The following DIS3L2 variants were observed in gnomAD, a reference collection of about 807,000 sequenced individuals.
DIS3L2 encodes DIS3-like exonuclease 2.
A neutral mutation model predicts 97.5 loss-of-function variants in DIS3L2; 34 were observed. That is an observed-to-expected ratio of 0.35 (90% CI 0.27 to 0.46). DIS3L2 has a LOEUF of 0.46. Among genes scored for constraint, DIS3L2 ranks in the 20% least tolerant of loss-of-function variants. The pLI, the probability that DIS3L2 is intolerant of heterozygous loss-of-function variation, is 1.00. For missense variants in DIS3L2, 1,038 were observed against 1,146.0 expected (o/e 0.91, Z 1.36); for synonymous variants, 435 against 445.2 (o/e 0.98, Z 0.29).
At chr2:232,337,517 C>T (rs1389197711), downstream of DIS3L2, among the ~76,000 whole-genome samples, 3 of 152,044 alleles carry the variant, frequency 2.0e-5, no homozygotes, top group East Asian at 1.9e-4. Flanking sequence ...CTGGGTGACA[C>T]GGATCCCACC....
intron 9 of DIS3L2, among the ~76,000 whole-genome samples, chr2:232,184,621 G>T (rs966964934): frequency 2.6e-5 from 4 of 152,112 alleles, no homozygotes; most frequent in African/African-American, 9.7e-5. Context: ...CTGCACTCCA[G>T]CCTGGGAAAC....
chr2:232,241,315 T>C (rs1201388563), intron 11 of DIS3L2, among the ~76,000 whole-genome samples: 1 of 152,250 alleles, frequency 6.6e-6, no homozygotes, highest in Non-Finnish European at 1.5e-5. Flanking sequence ...TTCTCCCAGC[T>C]TCATCACACA....
chr2:231,975,903 T>C (rs982265017), intron 1 of DIS3L2, among the ~76,000 whole-genome samples: 10 of 151,970 alleles, frequency 6.6e-5, no homozygotes, highest in Admixed American at 6.6e-4. Context: ...TTCTCACTTA[T>C]TTCTATGTTC....
chr2:232,190,974 C>T (rs983675268), intron 9 of DIS3L2, among the ~76,000 whole-genome samples: 1 of 152,158 alleles, frequency 6.6e-6, no homozygotes, highest in African/African-American at 2.4e-5. Context: ...TCAGCTGGGA[C>T]AAAGCTAGAA....
chr2:232,055,582 A>T (rs879738506), intron 5 of DIS3L2, among the ~76,000 whole-genome samples: 1 of 152,242 alleles, frequency 6.6e-6, no homozygotes, highest in Admixed American at 6.5e-5. Context: ...AATCCAAGCC[A>T]ACATTCCAGC....
chr2:232,194,821 G>T (rs1219213386), intron 9 of DIS3L2, among the ~76,000 whole-genome samples: 2 of 152,162 alleles, frequency 1.3e-5, no homozygotes, highest in Non-Finnish European at 2.9e-5. Flanking sequence ...GGAAGCACAG[G>T]AGGAGGTGTA....
In DIS3L2 at chr2:232,037,720, T is replaced by G. The variant is rs1170917177; in HGVS notation, c.366+7640T>G. Among the ~76,000 whole-genome samples, 2 of 152,150 alleles carry G rather than the reference T, an allele frequency of 1.3e-5. No individual in the cohort carries two copies. Among genetic ancestry groups the G allele is most frequent in the African/African-American group, 2.4e-5 (1 of 41,440 alleles). On this transcript the variant is annotated intron_variant, in intron 5 of 20. Coordinates refer to ENST00000325385, the MANE Select transcript of DIS3L2 (RefSeq NM_152383.5). The surrounding 1 kb of genome is among the most constrained non-coding windows in gnomAD (Gnocchi z 4.6). ...GGTTGTGAAGACTGTGGGAAAAGCATAATATCTGGGCCAGAGTGCAATGTT... is the reference window on the plus strand; with the variant it reads ...GGTTGTGAAGACTGTGGGAAAAGCAGAATATCTGGGCCAGAGTGCAATGTT...
chr2:232,181,942 G>C (rs544328908), intron 9 of DIS3L2, among the ~76,000 whole-genome samples: 18 of 152,108 alleles, frequency 1.2e-4, no homozygotes, highest in African/African-American at 3.4e-4. Flanking sequence ...GTGAGCCACC[G>C]TGCCCGGGCG....
intron 14 of DIS3L2, among the ~76,000 whole-genome samples, chr2:232,311,331 G>A (rs543263808): frequency 1.1e-4 from 17 of 152,314 alleles, no homozygotes; most frequent in Non-Finnish European, 7.3e-5. Context: ...AGCTTGCTTT[G>A]TAAAACTTAC....
At chr2:232,000,662 C>CCTTTCCTT (rs1178382206) in intron 1 of DIS3L2, among the ~76,000 whole-genome samples, 35 of 92,924 alleles carry the variant, frequency 3.8e-4, no homozygotes, top group African/African-American at 1.4e-3. Context: ...CCTTTCCTTT[C>CCTTTCCTT]TCTTTCTCTC....
intron 13 of DIS3L2, among the ~76,000 whole-genome samples, chr2:232,277,866 G>T (rs1056921695): frequency 6.6e-6 from 1 of 152,186 alleles, no homozygotes; most frequent in Non-Finnish European, 1.5e-5. Flanking sequence ...GCATGTGACT[G>T]TGCTGAATAC....
chr2:232,288,512 A>G (rs1694507314), intron 13 of DIS3L2, among the ~76,000 whole-genome samples: 1 of 152,174 alleles, frequency 6.6e-6, no homozygotes, highest in African/African-American at 2.4e-5. Flanking sequence ...GACCATCGGA[A>G]CCCCACCACC....
intron 8 of DIS3L2, among the ~76,000 whole-genome samples, chr2:232,142,401 T>C (rs916300785): frequency 6.6e-6 from 1 of 152,196 alleles, no homozygotes; most frequent in African/African-American, 2.4e-5. Flanking sequence ...TGATGAGCAC[T>C]GCATGCAGTT....
intron 10 of DIS3L2, among the ~76,000 whole-genome samples, chr2:232,214,147 G>A (rs1383913692): frequency 6.6e-6 from 1 of 152,148 alleles, no homozygotes; most frequent in African/African-American, 2.4e-5. Context: ...ACAGTAAATC[G>A]TGTGCCTCAG....
In DIS3L2 at chr2:232,094,732, A is replaced by AG. The variant is rs919658490; in HGVS notation, c.601+7011_601+7012insG. Among the ~76,000 whole-genome samples, 11 of 150,714 alleles carry AG rather than the reference A, an allele frequency of 7.3e-5. No homozygotes were observed. In the East Asian group the frequency reaches 9.7e-4, roughly 13 times the overall value. On this transcript the variant is annotated intron_variant, in intron 6 of 20. Coordinates refer to ENST00000325385, the MANE Select transcript of DIS3L2 (RefSeq NM_152383.5). Reference sequence around the variant, plus strand: ...AGACTCCATCTCAAAAAAAAAAAAAAAAAGAAAGAAAAGAAAGAAAGCTCC... The same window carrying AG: ...AGACTCCATCTCAAAAAAAAAAAAAAGAAAGAAAGAAAAGAAAGAAAGCTCC...
intron 5 of DIS3L2, among the ~76,000 whole-genome samples, chr2:232,056,538 C>T (rs774245403): frequency 1.3e-5 from 2 of 152,142 alleles, no homozygotes; most frequent in Non-Finnish European, 2.9e-5. Flanking sequence ...ATTCAACAAA[C>T]GACTCCTAAC....
At chr2:232,220,355 T>TAAAC (rs200688375) in intron 10 of DIS3L2, among the ~76,000 whole-genome samples, 1,789 of 151,438 alleles carry the variant, frequency 0.012, 16 homozygotes, top group Non-Finnish European at 0.017. Flanking sequence ...AATAAATAAA[T>TAAAC]AAACAAACAA....
intron 3 of DIS3L2, among the ~76,000 whole-genome samples, chr2:232,020,186 A>C (rs890487505): frequency 6.6e-6 from 1 of 152,142 alleles, no homozygotes; most frequent in African/African-American, 2.4e-5. Context: ...TATGCTGGAG[A>C]ATTGGATTTT....
intron 13 of DIS3L2, among the ~76,000 whole-genome samples, chr2:232,282,164 AAAG>A (rs954578522): frequency 2.0e-5 from 3 of 151,754 alleles, no homozygotes; most frequent in Admixed American, 1.3e-4. Flanking sequence ...AAAAAAAAAA[AAAG>A]GGAATTCACT....
Sources: gnomAD v4.1 joint callset for allele counts (sites outside exome capture counted in the v4.1 genomes callset) on GRCh38, gnomAD v4.1.1 for gene constraint, Gnocchi (gnomAD v3.1) non-coding constraint, MANE v1.5 for transcripts, NCBI Gene and HGNC (gene_info 2026-07-23, HGNC 2026-07-21) for gene names.